CACNA2D3: variants seen among roughly 807,000 people sequenced by gnomAD.
CACNA2D3 encodes calcium voltage-gated channel auxiliary subunit alpha2delta 3.
In CACNA2D3, 60 loss-of-function variants were observed where a neutral mutation model predicts 160.6. The ratio of observed to expected loss-of-function variants is 0.37; its 90% CI spans 0.30 to 0.46. The LOEUF (loss-of-function observed/expected upper bound fraction) is 0.46. Ranked by LOEUF, CACNA2D3 falls within the 20% of genes least tolerant of loss-of-function variation. CACNA2D3 has a pLI of 1.00. For synonymous variants in CACNA2D3, 558 were observed against 492.9 expected, an observed-to-expected ratio of 1.13 and a Z score of -1.75; for missense variants, 1,205 against 1,365.0, an observed-to-expected ratio of 0.88 and a Z score of 1.85.
At chr3:55,039,158 A>C (rs1575447270) in intron 35 of CACNA2D3, among the ~76,000 whole-genome samples, 1 of 152,052 alleles carries the variant, frequency 6.6e-6, no homozygotes, top group African/African-American at 2.4e-5. Context: ...CCATAGAAAA[A>C]CCTAAAAGAG....
At chr3:54,998,282 C>T (rs747791521) in intron 31 of CACNA2D3, among the ~76,000 whole-genome samples, 5 of 151,948 alleles carry the variant, frequency 3.3e-5, no homozygotes, top group Non-Finnish European at 7.4e-5. Context: ...ACTACAGGTG[C>T]GTGCCACCAC....
chr3:54,375,556 C>A (rs1236179612), intron 3 of CACNA2D3, among the ~76,000 whole-genome samples: 2 of 152,036 alleles, frequency 1.3e-5, no homozygotes, highest in African/African-American at 2.4e-5. Context: ...GTCAAGAGAA[C>A]AGCAGGATGA....
At chr3:54,355,865 T>C (rs560202522) in intron 3 of CACNA2D3, among the ~76,000 whole-genome samples, 12 of 152,262 alleles carry the variant, frequency 7.9e-5, no homozygotes, top group African/African-American at 2.9e-4. Flanking sequence ...CTCGAGTTAG[T>C]CTGGAGACTT....
chr3:54,475,781 CAT>C (rs1559492497), intron 4 of CACNA2D3, among the ~76,000 whole-genome samples: 1 of 127,216 alleles, frequency 7.9e-6, no homozygotes, highest in Admixed American at 8.4e-5. Context: ...TTACAAATAA[CAT>C]ATCCATCTTC....
intron 2 of CACNA2D3, among the ~76,000 whole-genome samples, chr3:54,249,684 C>A (rs978596284): frequency 6.6e-6 from 1 of 151,504 alleles, no homozygotes; most frequent in Non-Finnish European, 1.5e-5. Flanking sequence ...CACACACACA[C>A]ACACACACAC....
intron 11 of CACNA2D3, among the ~76,000 whole-genome samples, chr3:54,724,700 CAG>C (rs1701243330): frequency 2.0e-5 from 3 of 152,098 alleles, no homozygotes; most frequent in Non-Finnish European, 2.9e-5. Flanking sequence ...AAGGCAGAAA[CAG>C]AGATGTTCTT....
chr3:54,223,861 A>AAG (rs1701620497), intron 2 of CACNA2D3, among the ~76,000 whole-genome samples: 3 of 151,884 alleles, frequency 2.0e-5, no homozygotes, highest in Admixed American at 2.0e-4. Context: ...CAAAAAAAAA[A>AAG]AAAAAAAATT....
chr3:54,131,902 GTGTT>G (rs1380608725), intron 2 of CACNA2D3, among the ~76,000 whole-genome samples: 1 of 152,192 alleles, frequency 6.6e-6, no homozygotes, highest in African/African-American at 2.4e-5. Context: ...TATAGGGCAG[GTGTT>G]TGACTCTTTG....
At chr3:54,505,945 T>TA (rs958319940) in intron 5 of CACNA2D3, among the ~76,000 whole-genome samples, 2 of 152,342 alleles carry the variant, frequency 1.3e-5, no homozygotes, top group African/African-American at 4.8e-5. Flanking sequence ...TGGATGTAGC[T>TA]AATGATATTC....
At chr3:54,610,596 G>C (rs535448326) in intron 9 of CACNA2D3, among the ~76,000 whole-genome samples, 1 of 151,860 alleles carries the variant, frequency 6.6e-6, no homozygotes, top group African/African-American at 2.4e-5. Context: ...AATTTTCCAG[G>C]ACCCATGTTT....
intron 17 of CACNA2D3, among the ~76,000 whole-genome samples, chr3:54,864,121 C>T (rs1699351093): frequency 1.3e-5 from 2 of 152,180 alleles, no homozygotes; most frequent in South Asian, 4.1e-4. Flanking sequence ...AGCACCATTT[C>T]AGTGGAAATC....
At chr3:54,418,854 A>G (rs1699796718) in intron 4 of CACNA2D3, among the ~76,000 whole-genome samples, 1 of 152,144 alleles carries the variant, frequency 6.6e-6, no homozygotes, top group African/African-American at 2.4e-5. Context: ...TGTCGTTATT[A>G]TTTTGCCCCA....
chr3:54,364,633 A>G (rs1698797899), intron 3 of CACNA2D3, among the ~76,000 whole-genome samples: 1 of 152,232 alleles, frequency 6.6e-6, no homozygotes, highest in Non-Finnish European at 1.5e-5. Context: ...CAATTATACA[A>G]CAATTTTAGA....
chr3:54,559,515 A>G (rs748976245), intron 5 of CACNA2D3, among the ~76,000 whole-genome samples: 5 of 151,424 alleles, frequency 3.3e-5, no homozygotes, highest in Admixed American at 6.6e-5. Flanking sequence ...CTGTCCTCGA[A>G]CTCCTGCCCT....
At chr3:54,823,391 T>A (rs1383811552) in intron 14 of CACNA2D3, among the ~76,000 whole-genome samples, 1 of 152,192 alleles carries the variant, frequency 6.6e-6, no homozygotes, top group Admixed American at 6.5e-5. Flanking sequence ...TTTAAAAGTT[T>A]TTTTTTAGCT....
chr3:54,408,151 A>G (rs1374638171), intron 4 of CACNA2D3, among the ~76,000 whole-genome samples: 1 of 152,194 alleles, frequency 6.6e-6, no homozygotes, highest in African/African-American at 2.4e-5. Flanking sequence ...CAATTGTGAT[A>G]AGTGACATGA....
chr3:54,327,601 C>T (rs1389024986), intron 3 of CACNA2D3, among the ~76,000 whole-genome samples: 1 of 152,106 alleles, frequency 6.6e-6, no homozygotes, highest in Middle Eastern at 3.4e-3. Context: ...GTAGAAGCAC[C>T]CATGTGTTTT....
At chr3:54,447,296 T>C (rs1394044810) in intron 4 of CACNA2D3, among the ~76,000 whole-genome samples, 1 of 152,122 alleles carries the variant, frequency 6.6e-6, no homozygotes, top group African/African-American at 2.4e-5. Flanking sequence ...AAGATTAAAA[T>C]TGAGAATGTA....
chr3:55,063,105 C>A (rs1704552661), intron 35 of CACNA2D3, among the ~76,000 whole-genome samples: 1 of 152,178 alleles, frequency 6.6e-6, no homozygotes, highest in Non-Finnish European at 1.5e-5. Flanking sequence ...GAGAAAGTGA[C>A]ATTTAATAAG....
Sources: allele counts gnomAD v4.1 joint callset (sites outside exome capture counted in the v4.1 genomes callset), GRCh38; gene constraint gnomAD v4.1.1; transcripts MANE v1.5; gene names NCBI Gene and HGNC (gene_info 2026-07-23, HGNC 2026-07-21).